The following STK36 variants were observed in gnomAD, a reference collection of about 807,000 sequenced individuals.
STK36 encodes the protein serine/threonine-protein kinase 36.
In STK36, 116 loss-of-function variants were observed where a neutral mutation model predicts 142.2. The ratio of observed to expected loss-of-function variants is 0.82; its 90% CI spans 0.70 to 0.95. The LOEUF is 0.95. STK36 is among the 40% of genes least tolerant of loss of function. The pLI, the probability that STK36 is intolerant of heterozygous loss-of-function variation, is 0.00. For synonymous variants in STK36, 619 were observed against 641.7 expected (o/e 0.96, Z 0.53); for missense variants, 1,422 against 1,617.2 (o/e 0.88, Z 2.07).
At position 218,702,196 on chromosome 2, in the gene STK36, T is replaced by C. The variant is rs1416840875; in HGVS notation, c.*187T>C. 3.0e-6 allele frequency: 2 copies of C among 659,274 alleles called. No homozygotes were observed. The highest frequency in any genetic ancestry group is 4.6e-6 in the Non-Finnish European group (2 of 432,280). 40.8% of individuals were successfully genotyped at this position (659,274 alleles called of 1,614,324 possible). On this transcript the variant is annotated 3_prime_UTR_variant, in exon 27 of 27. Coordinates refer to ENST00000295709, the MANE Select transcript of STK36 (RefSeq NM_015690.5). ...CTTCCTTCTCCCAGATGCAGGATGT[T>C]TTCAACCAGTAAATTTTATTGCTGT...
chr2:218,686,288 C>T (rs567788708), intron 11 of STK36, among the ~76,000 whole-genome samples: 4 of 152,092 alleles, frequency 2.6e-5, no homozygotes, highest in Admixed American at 2.0e-4. Flanking sequence ...GATGGGGTCT[C>T]ACTCTGTCAT....
rs1013337634 is a variant in STK36 at position 218,680,147 on chromosome 2, C to T, written c.1136+67C>T. On this transcript the variant is annotated intron_variant, in intron 9 of 26. Transcript: ENST00000295709. ...TGCACATCTTTAACTCTAGCCAAAG[C>T]AAATACAGAATGGTCCCTGTCACTA... is the stretch of plus-strand genomic sequence containing the variant. 2.7e-6 allele frequency: 4 copies of T among 1,492,122 alleles called. No individual in the cohort carries two copies. The South Asian group carries it at 4.9e-5, about 18-fold the overall frequency. The allele number at this position is 1,492,122 out of a possible 1,614,324, so 92.4% of individuals were successfully genotyped here.
Position 218,685,189 on chromosome 2 carries a change from C to T in STK36, c.1341C>T (p.Cys447=). 1 of 1,614,184 alleles carries T rather than the reference C, an allele frequency of 6.2e-7. No individual in the cohort carries two copies. The highest frequency in any genetic ancestry group is 1.3e-5 in the African/African-American group (1 of 75,046). Residue 447 remains cysteine (C), a synonymous_variant, in exon 11 of 27, where the codon TGC becomes TGT. Transcript: ENST00000295709. ...PLTLLCNPDF[C]QRIQSQLHEA... is the part of the protein sequence containing the mutation. ...CCTTGCTGTGTAATCCTGACTTCTG[C>T]CAGCGCATCCAGAGTCAGCTGCATG...
At chr2:218,690,789 A>G (rs963013905) in intron 14 of STK36, among the ~76,000 whole-genome samples, 6 of 152,240 alleles carry the variant, frequency 3.9e-5, no homozygotes, top group African/African-American at 1.2e-4. Flanking sequence ...AGTACATTAG[A>G]ACTTTGCATA....
At chr2:218,674,262 GTCT>G (rs1940132975) in intron 4 of STK36, among the ~76,000 whole-genome samples, 1 of 152,232 alleles carries the variant, frequency 6.6e-6, no homozygotes, top group African/African-American at 2.4e-5. Flanking sequence ...TGCCTGATAA[GTCT>G]ATGATGAAGA....
chr2:218,676,180 G>C lies in STK36; in HGVS notation c.586G>C (p.Gly196Arg), dbSNP rs200898161. 6 of 1,614,026 alleles carry C rather than the reference G, an allele frequency of 3.7e-6. No homozygotes were observed. Among genetic ancestry groups the C allele is most frequent in the African/African-American group, 1.3e-5 (1 of 74,892 alleles). ...CTGCATACTATATGAACTGGCAGTAGGCACCCCTCCCTTCTATGCTACAAG... is the reference window on the plus strand; with the variant it reads ...CTGCATACTATATGAACTGGCAGTACGCACCCCTCCCTTCTATGCTACAAG... ...VGCILYELAV[G>R]TPPFYATSIF... Residue 196 changes from glycine (G) to arginine (R), a missense_variant, in exon 6 of 27, where the codon GGC (glycine) becomes CGC (arginine). Gly to Arg is a moderately radical substitution (Grantham distance 125, BLOSUM62 -2). Transcript: ENST00000295709.
intron 7 of STK36, 148 bp downstream of exon 7, chr2:218,679,409 C>A: frequency 7.9e-7 from 1 of 1,266,828 alleles, no homozygotes; most frequent in South Asian, 1.4e-5. Context: ...TTAACCTTTG[C>A]CACTTCCCTT....
chr2:218,699,035 A>G lies in STK36; in HGVS notation c.3491A>G (p.Lys1164Arg). Residue 1164 changes from lysine to arginine, a missense_variant, in exon 26 of 27, where the codon AAG (lysine) becomes AGG (arginine). Lys to Arg is a conservative substitution (Grantham distance 26, BLOSUM62 2). Coordinates refer to ENST00000295709, the MANE Select transcript of STK36 (RefSeq NM_015690.5). ...CTTCTGCTGCTTGGGCTTGGAGACA[A>G]GGATCCTGTTGTGCGGTGCAGTGCC... is the stretch of plus-strand genomic sequence containing the variant. ...LSLLLLGLGD[K>R]DPVVRCSASF... 1.9e-6 allele frequency: 3 copies of G among 1,614,148 alleles called. No homozygotes were observed. Among genetic ancestry groups the G allele is most frequent in the Non-Finnish European group, 2.5e-6 (3 of 1,180,030 alleles).
chr2:218,698,434 T>G (rs991505179), intron 25 of STK36, among the ~76,000 whole-genome samples, 168 bp from the exon 26 acceptor site: 1 of 152,196 alleles, frequency 6.6e-6, no homozygotes, highest in Non-Finnish European at 1.5e-5. Context: ...GAACCTGCTC[T>G]CTCAGGCTCC....
rs750796659 is a variant in STK36 at position 218,692,219 on chromosome 2, C to T, written c.1841C>T (p.Thr614Met). The T allele has an allele frequency of 3.3e-5, 53 of 1,614,070 alleles. No homozygotes were observed. The highest frequency in any genetic ancestry group is 1.6e-4 in the Middle Eastern group (1 of 6,084). Residue 614 changes from threonine (T) to methionine (M), a missense_variant, in exon 15 of 27, where the codon ACG becomes ATG. Physicochemically the swap from Thr to Met is moderately conservative, Grantham distance 81. Around this residue, in one of 2 missense-constraint regions of STK36, gnomAD observed 962 missense variants for 1,167.5 expected, o/e 0.82. Coordinates refer to ENST00000295709, the MANE Select transcript of STK36 (RefSeq NM_015690.5). ...ISKAFYSSLL[T>M]TQQVVLDGLL... is the part of the protein sequence containing the mutation. ...AAAGCCTTTTACTCCAGCTTGCTGA[C>T]GACACAGCAGGTTGTCTTGGATGGG...
At chr2:218,677,967 A>T (rs1329451112) in intron 6 of STK36, among the ~76,000 whole-genome samples, 2 of 151,892 alleles carry the variant, frequency 1.3e-5, no homozygotes, top group Non-Finnish European at 2.9e-5. Flanking sequence ...ATTTTTTGTA[A>T]TTTTTAGTAG....
At position 218,685,166 on chromosome 2, in the gene STK36, TTGCTGTGTAATCC is replaced by T. The variant is rs1559336119; in HGVS notation, c.1321_1333del (p.Leu441ThrfsTer18). The T allele has an allele frequency of 6.2e-7, 1 of 1,614,214 alleles. No homozygotes were observed. Among genetic ancestry groups the T allele is most frequent in the Non-Finnish European group, 8.5e-7 (1 of 1,180,034 alleles). On this transcript the variant is annotated frameshift_variant, in exon 11 of 27. Coordinates refer to ENST00000295709, the MANE Select transcript of STK36 (RefSeq NM_015690.5). LOFTEE classifies it high-confidence loss of function. ...TATTCAACTGAAGGCTCCTCTCACC[TTGCTGTGTAATCC>T]TGACTTCTGCCAGCGCATCCAGAGT...
intron 25 of STK36, 101 bp from the exon 26 acceptor site, chr2:218,698,501 T>G: frequency 2.8e-6 from 4 of 1,446,720 alleles, no homozygotes; most frequent in Non-Finnish European, 3.7e-6. Context: ...CTGTGGCATT[T>G]CTCACCATAG....
At chr2:218,695,768 C>T (rs1054956802) in intron 21 of STK36, among the ~76,000 whole-genome samples, 1 of 151,204 alleles carries the variant, frequency 6.6e-6, no homozygotes, top group African/African-American at 2.4e-5. Context: ...GAACTCCTGA[C>T]CTCAAGTGAT....
In STK36 at chr2:218,675,520, CTTTTTTTTT is replaced by C. The variant is rs33970984; in HGVS notation, c.434+60_434+68del. The C allele has an allele frequency of 1.2e-5, 14 of 1,148,304 alleles. No individual in the cohort carries two copies. In the African/African-American group the frequency reaches 1.8e-4, roughly 15 times the overall value. 71.1% of individuals were successfully genotyped at this position (1,148,304 alleles called of 1,614,324 possible). A position where few individuals can be genotyped will look rare whatever the true frequency, so the allele number is the denominator to read the frequency against. On this transcript the variant is annotated intron_variant, in intron 5 of 26. Transcript: ENST00000295709. ...CTAAGCTTCCAGTTCCACACGGAAT[CTTTTTTTTT>C]TTTTTTTTTTTTGAGATGGAGTTTC...
intron 9 of STK36, 124 bp from the exon 10 acceptor site, chr2:218,680,479 C>T (rs1940466524): frequency 2.7e-6 from 2 of 741,514 alleles, no homozygotes; most frequent in Non-Finnish European, 4.5e-6. Context: ...AAAGAAGTCT[C>T]CTCTAGTCAA....
At chr2:218,691,999 T>G (rs1941019289) in intron 14 of STK36, 144 bp from the exon 15 acceptor site, 4 of 958,844 alleles carry the variant, frequency 4.2e-6, no homozygotes, top group Non-Finnish European at 6.1e-6. Flanking sequence ...CTAATGCATT[T>G]TTGGTGTGAA....
Position 218,690,573 on chromosome 2 carries a change from C to G in STK36, c.1764+18C>G. 1 of 1,588,536 alleles carries G rather than the reference C, an allele frequency of 6.3e-7. No homozygotes were observed. On this transcript the variant is annotated intron_variant, in intron 14 of 26. Transcript: ENST00000295709. Reference sequence around the variant, plus strand: ...GCCTTATGGTAATCTGCTCCCACTTCCAGATTTCTGTGTCTCCTATCATTC... The same window carrying G: ...GCCTTATGGTAATCTGCTCCCACTTGCAGATTTCTGTGTCTCCTATCATTC...
chr2:218,675,398 G>T lies in STK36; in HGVS notation c.359G>T (p.Arg120Leu). 2 of 1,612,796 alleles carry T rather than the reference G, an allele frequency of 1.2e-6. No homozygotes were observed. The highest frequency in any genetic ancestry group is 1.1e-5 in the South Asian group (1 of 91,022). Residue 120 changes from arginine to leucine, a missense_variant, in exon 5 of 27, where the codon CGC (arginine) becomes CTC (leucine). This residue lies in a region of STK36 where 460 missense variants were observed against 449.6 expected (regional missense o/e 1.02). Transcript: ENST00000295709. ...VSALYYLHSH[R>L]ILHRDMKPQN... is the part of the protein sequence containing the mutation. ...GCCCTGTACTATCTGCATTCCCACCGCATCCTACACCGAGATATGAAGCCT... is the reference window on the plus strand; with the variant it reads ...GCCCTGTACTATCTGCATTCCCACCTCATCCTACACCGAGATATGAAGCCT...
Sources: allele counts gnomAD v4.1 joint callset (sites outside exome capture counted in the v4.1 genomes callset), GRCh38; gene constraint gnomAD v4.1.1; regional missense constraint gnomAD v4.1.1; transcripts MANE v1.5; gene names NCBI Gene and HGNC (gene_info 2026-07-23, HGNC 2026-07-21).